The following FMN1 variants were observed in gnomAD, a reference collection of about 807,000 sequenced individuals.
FMN1 encodes formin 1.
A neutral mutation model predicts 132.4 loss-of-function variants in FMN1; 110 were observed. That is an observed-to-expected ratio of 0.83 (90% CI 0.71 to 0.97). The LOEUF (loss-of-function observed/expected upper bound fraction) is 0.97, where lower values mean the gene tolerates loss of function less well. FMN1 is among the 50% of genes least tolerant of loss of function. The pLI, the probability that FMN1 is intolerant of heterozygous loss-of-function variation, is 0.00. For synonymous variants in FMN1, 722 were observed against 651.7 expected, an observed-to-expected ratio of 1.11 and a Z score of -1.64; for missense variants, 1,792 against 1,705.3, an observed-to-expected ratio of 1.05 and a Z score of -0.90.
At chr15:33,086,123 C>A (rs947108952) in intron 5 of FMN1, among the ~76,000 whole-genome samples, 3 of 151,898 alleles carry the variant, frequency 2.0e-5, no homozygotes, top group Admixed American at 1.3e-4. Context: ...TGGTGGCATG[C>A]GCCTGTAGTC....
At chr15:32,868,886 A>G (rs1450865591) in intron 16 of FMN1, among the ~76,000 whole-genome samples, 1 of 152,206 alleles carries the variant, frequency 6.6e-6, no homozygotes, top group Non-Finnish European at 1.5e-5. Flanking sequence ...TCTAAAAAAC[A>G]TTCACAGTCT....
At chr15:33,149,888 G>C in intron 4 of FMN1, 1 of 983,820 alleles carries the variant, frequency 1.0e-6, no homozygotes, top group Non-Finnish European at 1.2e-6. Flanking sequence ...TCAAAGCTTT[G>C]ACAGTAGTAT....
At chr15:33,066,350 T>TTAAC (rs1566883501) in intron 5 of FMN1, among the ~76,000 whole-genome samples, 1 of 152,230 alleles carries the variant, frequency 6.6e-6, no homozygotes, top group Non-Finnish European at 1.5e-5. Flanking sequence ...GCACTTCTGG[T>TTAAC]TAACTCCATA....
In FMN1 at chr15:32,964,188, C is replaced by T. The variant is rs765944077; in HGVS notation, c.3057G>A (p.Glu1019=). ...EPDIRDPSEF[E]YLFSKDTTQQ... ...GAGTTGTGTCTTTGGAGAATAAATA[C>T]TCAAATTCACTGGGGTCCCGAATGT... is the stretch of plus-strand genomic sequence containing the variant. Residue 1019 remains glutamate, a synonymous_variant, in exon 9 of 21, where the codon GAG becomes GAA. Transcript: ENST00000616417. The T allele has an allele frequency of 3.1e-6, 5 of 1,612,578 alleles. No individual in the cohort carries two copies. In the Admixed American group the frequency reaches 5.0e-5, roughly 16 times the overall value.
At chr15:33,002,071 G>A (rs1430358834) in intron 7 of FMN1, among the ~76,000 whole-genome samples, 2 of 152,136 alleles carry the variant, frequency 1.3e-5, no homozygotes, top group Non-Finnish European at 1.5e-5. Flanking sequence ...GCTTATTTAG[G>A]TTCTCTGCTT....
chr15:32,909,411 G>A (rs970011103), intron 11 of FMN1, among the ~76,000 whole-genome samples: 1 of 152,142 alleles, frequency 6.6e-6, no homozygotes, highest in Non-Finnish European at 1.5e-5. Context: ...ATTAACGAAA[G>A]CTTTACTAGT....
rs555120580 is a variant in FMN1 at position 32,929,672 on chromosome 15, A to G, written c.3139-3411T>C. ...CACCACGGATACCTCATATAAGTGG[A>G]ATCATGCAGCATTTATCTTTTTGTG... On this transcript the variant is annotated intron_variant, in intron 9 of 20. Transcript: ENST00000616417. 2.6e-5 allele frequency among the ~76,000 whole-genome samples: 4 copies of G among 152,316 alleles called. No homozygotes were observed. In the East Asian group the frequency reaches 7.7e-4, roughly 29 times the overall value.
chr15:32,944,791 G>C (rs774308374), intron 9 of FMN1, among the ~76,000 whole-genome samples: 2 of 152,090 alleles, frequency 1.3e-5, no homozygotes, highest in African/African-American at 4.8e-5. Flanking sequence ...TGGGTTGGAG[G>C]GGGGAGGGTA....
chr15:33,083,322 A>G (rs899351840), intron 5 of FMN1, among the ~76,000 whole-genome samples: 2 of 152,200 alleles, frequency 1.3e-5, no homozygotes, highest in African/African-American at 4.8e-5. Flanking sequence ...TATTGGTGAA[A>G]GGGGCATCTT....
intron 4 of FMN1, among the ~76,000 whole-genome samples, chr15:33,114,963 C>T (rs936174822): frequency 3.3e-4 from 50 of 152,126 alleles, no homozygotes; most frequent in African/African-American, 8.4e-4. Flanking sequence ...GGGCAGGCCT[C>T]AGAAGATAAA....
rs2032223198 is a variant in FMN1 at position 32,976,589 on chromosome 15, C to T, written c.2224-7112G>A. On this transcript the variant is annotated intron_variant, in intron 7 of 20. Coordinates refer to ENST00000616417, the MANE Select transcript of FMN1 (RefSeq NM_001277313.2). Reference sequence around the variant, plus strand: ...AATTAACTATTATAATTTTTTTGTCCTTATCAGAAATGTAAGCACATCAAG... The same window carrying T: ...AATTAACTATTATAATTTTTTTGTCTTTATCAGAAATGTAAGCACATCAAG... Among the ~76,000 whole-genome samples, 3 of 151,976 alleles carry T rather than the reference C, an allele frequency of 2.0e-5. No individual in the cohort carries two copies. The South Asian group carries it at 6.2e-4, about 32-fold the overall frequency.
intron 7 of FMN1, among the ~76,000 whole-genome samples, chr15:32,982,213 G>A (rs372323517): frequency 6.6e-6 from 1 of 152,170 alleles, no homozygotes; most frequent in Non-Finnish European, 1.5e-5. Context: ...CGCCTATTAG[G>A]AGGAGGGAGG....
At chr15:32,873,149 T>C (rs146998134) in intron 16 of FMN1, among the ~76,000 whole-genome samples, 9 of 152,338 alleles carry the variant, frequency 5.9e-5, no homozygotes, top group East Asian at 3.9e-4. Context: ...CACAGTCCTA[T>C]GTGTCTCACT....
At chr15:32,875,736 T>C (rs958844759) in intron 16 of FMN1, among the ~76,000 whole-genome samples, 1 of 152,228 alleles carries the variant, frequency 6.6e-6, no homozygotes, top group Non-Finnish European at 1.5e-5. Flanking sequence ...AATCTCTCTG[T>C]GGATTGTGAA....
chr15:33,137,993 A>G (rs1311851794), intron 4 of FMN1, among the ~76,000 whole-genome samples: 1 of 152,232 alleles, frequency 6.6e-6, no homozygotes, highest in Non-Finnish European at 1.5e-5. Context: ...AGATGGAGAT[A>G]ATAATAACTA....
intron 6 of FMN1, among the ~76,000 whole-genome samples, chr15:33,033,239 C>G (rs945640368): frequency 6.6e-6 from 1 of 152,092 alleles, no homozygotes; most frequent in Non-Finnish European, 1.5e-5. Flanking sequence ...ACCGTGTTAG[C>G]CAGGATAGTC....
intron 16 of FMN1, among the ~76,000 whole-genome samples, chr15:32,875,248 G>A (rs1446513877): frequency 6.6e-6 from 1 of 152,224 alleles, no homozygotes; most frequent in Non-Finnish European, 1.5e-5. Flanking sequence ...CACACAGACA[G>A]TAAGTAGCTG....
chr15:32,899,138 T>C (rs1315455498), intron 14 of FMN1, among the ~76,000 whole-genome samples: 4 of 136,490 alleles, frequency 2.9e-5, no homozygotes, highest in African/African-American at 1.2e-4. Context: ...ACTTCTGAAA[T>C]AATGGCTAAA....
intron 16 of FMN1, among the ~76,000 whole-genome samples, chr15:32,885,871 G>A (rs945408801): frequency 6.6e-6 from 1 of 150,780 alleles, no homozygotes; most frequent in African/African-American, 2.4e-5. Context: ...CTTGAAATTT[G>A]CTAATCACAT....
Sources: allele counts gnomAD v4.1 joint callset (sites outside exome capture counted in the v4.1 genomes callset), GRCh38; gene constraint gnomAD v4.1.1; transcripts MANE v1.5; gene names NCBI Gene and HGNC (gene_info 2026-07-23, HGNC 2026-07-21).